DNAH7: variants seen among roughly 807,000 people sequenced by gnomAD.
The protein encoded by DNAH7 is axonemal beta dynein heavy chain 7.
DNAH7 carries 397 observed loss-of-function variants against 444.6 expected under a neutral mutation model. The ratio of observed to expected loss-of-function variants is 0.89; its 90% confidence interval spans 0.82 to 0.97. The LOEUF (loss-of-function observed/expected upper bound fraction) is 0.97, where lower values mean the gene tolerates loss of function less well. DNAH7 is among the 50% of genes least tolerant of loss of function. The pLI is 0.00. For synonymous variants in DNAH7, 1,636 were observed against 1,624.4 expected (o/e 1.01, Z -0.17); for missense variants, 4,902 against 4,800.8 (o/e 1.02, Z -0.62).
intron 61 of DNAH7, among the ~76,000 whole-genome samples, chr2:195,757,119 C>T (rs947196568): frequency 6.6e-5 from 10 of 152,162 alleles, no homozygotes; most frequent in African/African-American, 2.4e-4. Flanking sequence ...TGAGCCACTG[C>T]ACCTGCACCT....
At chr2:195,958,785 C>A (rs980351836) in intron 18 of DNAH7, among the ~76,000 whole-genome samples, 2 of 151,974 alleles carry the variant, frequency 1.3e-5, no homozygotes, top group Non-Finnish European at 2.9e-5. Context: ...TCATGTCAAC[C>A]CTATGAGGTA....
chr2:195,783,742 C>T (rs1198996052), intron 58 of DNAH7, among the ~76,000 whole-genome samples: 1 of 152,152 alleles, frequency 6.6e-6, no homozygotes, highest in Non-Finnish European at 1.5e-5. Context: ...ACCAGCCTGC[C>T]AGCTAAGTCT....
chr2:196,055,301 C>T (rs970503120), intron 2 of DNAH7, among the ~76,000 whole-genome samples: 1 of 152,008 alleles, frequency 6.6e-6, no homozygotes, highest in Non-Finnish European at 1.5e-5. Context: ...CATGATCACA[C>T]CACTGCACTC....
chr2:196,015,158 G>T (rs1018494564), intron 9 of DNAH7, among the ~76,000 whole-genome samples: 7 of 151,872 alleles, frequency 4.6e-5, no homozygotes, highest in African/African-American at 1.7e-4. Context: ...CCCTCAAATG[G>T]GAGCCCATTT....
chr2:195,742,168 G>A (rs1693082470), intron 63 of DNAH7, among the ~76,000 whole-genome samples: 1 of 152,158 alleles, frequency 6.6e-6, no homozygotes, highest in Non-Finnish European at 1.5e-5. Context: ...TTGCGTGAGG[G>A]GAGAGATGGG....
chr2:195,867,620 C>G (rs1425176312), intron 40 of DNAH7, among the ~76,000 whole-genome samples: 1 of 152,166 alleles, frequency 6.6e-6, no homozygotes, highest in Non-Finnish European at 1.5e-5. Context: ...CAACACTAAT[C>G]TATTTACTAT....
intron 47 of DNAH7, among the ~76,000 whole-genome samples, chr2:195,834,910 C>T (rs374778322): frequency 9.2e-5 from 14 of 152,286 alleles, no homozygotes; most frequent in African/African-American, 3.4e-4. Flanking sequence ...TTCATAATAT[C>T]CAGGGACACT....
chr2:195,917,389 A>G (rs182286520), intron 24 of DNAH7, among the ~76,000 whole-genome samples: 14 of 152,228 alleles, frequency 9.2e-5, no homozygotes, highest in Non-Finnish European at 1.2e-4. Flanking sequence ...TCCCCTCCCA[A>G]GTGCTGGCAG....
chr2:195,796,764 A>AT (rs1444213141), intron 55 of DNAH7, 27 bp from the exon 56 acceptor site: 1 of 1,575,142 alleles, frequency 6.3e-7, no homozygotes, highest in East Asian at 2.3e-5. Context: ...TAGAGATGTT[A>AT]TTTAAAATCA....
At chr2:196,008,708 A>AC (rs1694536261) in intron 10 of DNAH7, among the ~76,000 whole-genome samples, 1 of 152,190 alleles carries the variant, frequency 6.6e-6, no homozygotes, top group Admixed American at 6.5e-5. Flanking sequence ...CTGAGACGAA[A>AC]TGTCCAGAGT....
intron 21 of DNAH7, among the ~76,000 whole-genome samples, chr2:195,928,371 G>C (rs1200388466): frequency 6.6e-6 from 1 of 152,182 alleles, no homozygotes; most frequent in East Asian, 1.9e-4. Context: ...TAAAGGAGTA[G>C]TTTAAATATT....
chr2:195,952,000 T>G (rs10167051), intron 19 of DNAH7, among the ~76,000 whole-genome samples: 5,425 of 152,254 alleles, frequency 0.036, 307 homozygotes, highest in African/African-American at 0.12. Context: ...TTTGGCCCAT[T>G]AGTTGATGCA....
At chr2:195,760,171 G>C (rs547393680) in intron 61 of DNAH7, among the ~76,000 whole-genome samples, 13 of 152,068 alleles carry the variant, frequency 8.5e-5, no homozygotes, top group African/African-American at 2.4e-4. Flanking sequence ...AGGCTCCTCT[G>C]CCTGTGGAAA....
intron 60 of DNAH7, among the ~76,000 whole-genome samples, chr2:195,773,305 T>G (rs191774747): frequency 7.9e-5 from 12 of 152,246 alleles, no homozygotes; most frequent in African/African-American, 2.4e-4. Flanking sequence ...ATGAAATATC[T>G]AATTCCATTA....
rs1699781093 is a variant in DNAH7, at chr2:195,857,524, T to C, written c.8267A>G (p.Asp2756Gly). The change falls in exon 44 of 65, where the codon GAC (aspartate) becomes GGC (glycine). Residue 2756 changes from aspartate to glycine, a missense_variant. By Grantham distance (94) the Asp-to-Gly change is moderately conservative (BLOSUM62 -1). Transcript: ENST00000312428. ...MRFLQSLHEY[D>G]KDNIPPAYMN... ...ATAAGCTGGAGGAATATTGTCCTTG[T>C]CATATTCATGAAGTGACTGCAGAAA... The C allele has an allele frequency of 6.2e-7, 1 of 1,614,010 alleles. No individual in the cohort carries two copies. Among genetic ancestry groups the C allele is most frequent in the Middle Eastern group, 1.7e-4 (1 of 6,058 alleles).
intron 52 of DNAH7, 29 bp from the exon 53 acceptor site, chr2:195,808,905 C>A: frequency 6.3e-7 from 1 of 1,593,540 alleles, no homozygotes; most frequent in Non-Finnish European, 8.6e-7. Flanking sequence ...CGTGAAGAGT[C>A]AGAAACGAGT....
Position 195,934,357 on chromosome 2 carries a change from T to C in DNAH7, c.3471+234A>G, listed in dbSNP as rs527412971. On this transcript the variant is annotated intron_variant, in intron 21 of 64. Coordinates refer to ENST00000312428, the MANE Select transcript of DNAH7 (RefSeq NM_018897.3). ...CCACAAGAAATGAGCAGATGCATTATTCAAACCCAAGTGTTTTGTAGTATG... is the reference window on the plus strand; with the variant it reads ...CCACAAGAAATGAGCAGATGCATTACTCAAACCCAAGTGTTTTGTAGTATG... 2.0e-5 allele frequency among the ~76,000 whole-genome samples: 3 copies of C among 152,316 alleles called. No individual in the cohort carries two copies. In the East Asian group the frequency reaches 5.8e-4, roughly 29 times the overall value.
At chr2:195,781,179 C>A (rs929798073) in intron 58 of DNAH7, among the ~76,000 whole-genome samples, 1 of 152,106 alleles carries the variant, frequency 6.6e-6, no homozygotes, top group Non-Finnish European at 1.5e-5. Context: ...CCTGGGCTTG[C>A]GCTGTTGACA....
At position 195,853,324 on chromosome 2, in the gene DNAH7, A is replaced by G; in HGVS notation, c.8781+19T>C. ...GTGATGGGCAGAGGGTCAGGAAGAG[A>G]TGGAATAGTGTCCCTTACCTGTCTA... On this transcript the variant is annotated intron_variant, in intron 46 of 64. Coordinates refer to ENST00000312428, the MANE Select transcript of DNAH7 (RefSeq NM_018897.3). The G allele has an allele frequency of 6.2e-7, 1 of 1,604,572 alleles. No homozygotes were observed. Among genetic ancestry groups the G allele is most frequent in the South Asian group, 1.1e-5 (1 of 89,360 alleles).
Sources: allele counts gnomAD v4.1 joint callset (sites outside exome capture counted in the v4.1 genomes callset), GRCh38; gene constraint gnomAD v4.1.1; transcripts MANE v1.5; gene names NCBI Gene and HGNC (gene_info 2026-07-23, HGNC 2026-07-21).